CTIF: variants seen among roughly 807,000 people sequenced by gnomAD.
CTIF encodes CBP80/20-dependent translation initiation factor.
CTIF carries 21 observed loss-of-function variants against 66.0 expected under a neutral mutation model. That is an observed-to-expected ratio of 0.32 (90% CI 0.23 to 0.46). The LOEUF (loss-of-function observed/expected upper bound fraction) is 0.46, where lower values mean the gene tolerates loss of function less well. Ranked by LOEUF, CTIF falls within the 20% of genes least tolerant of loss-of-function variation. The pLI is 1.00. For missense variants in CTIF, 739 were observed against 812.7 expected (o/e 0.91, Z 1.10); for synonymous variants, 345 against 326.4 (o/e 1.06, Z -0.62).
chr18:48,838,580 G>A (rs1484277667), intron 10 of CTIF, among the ~76,000 whole-genome samples: 1 of 152,222 alleles, frequency 6.6e-6, no homozygotes, highest in Non-Finnish European at 1.5e-5. Flanking sequence ...GGCTGTGGCT[G>A]TGCACACTTG....
chr18:48,652,787 A>G (rs1568106407), intron 3 of CTIF, among the ~76,000 whole-genome samples: 2 of 152,216 alleles, frequency 1.3e-5, no homozygotes, highest in Non-Finnish European at 2.9e-5. Context: ...ACCATGATCA[A>G]GTGGGCTTCA....
At chr18:48,578,705 TA>T (rs1195924401) in intron 1 of CTIF, among the ~76,000 whole-genome samples, 3 of 152,262 alleles carry the variant, frequency 2.0e-5, no homozygotes, top group Non-Finnish European at 4.4e-5. Flanking sequence ...TTTGTCTTTT[TA>T]TTGTTGAATT....
intron 2 of CTIF, among the ~76,000 whole-genome samples, 185 bp from the exon 3 acceptor site, chr18:48,636,429 C>T (rs1333729989): frequency 6.6e-6 from 1 of 152,242 alleles, no homozygotes; most frequent in East Asian, 1.9e-4. Context: ...AAAGCTTCAT[C>T]TTGATGTGGA....
chr18:48,654,280 G>GA (rs879528280), intron 3 of CTIF, among the ~76,000 whole-genome samples: 2 of 151,474 alleles, frequency 1.3e-5, no homozygotes, highest in Non-Finnish European at 2.9e-5. Flanking sequence ...AAATTTACAA[G>GA]AAAAAAAACA....
intron 6 of CTIF, among the ~76,000 whole-genome samples, chr18:48,705,067 G>A (rs10502895): frequency 0.11 from 16,714 of 152,202 alleles, 1,046 homozygotes; most frequent in Middle Eastern, 0.14. Flanking sequence ...GTCTATGCTG[G>A]ACAACTGGTA....
Position 48,626,091 on chromosome 18 carries a change from C to A in CTIF, c.180+6346C>A, listed in dbSNP as rs190533906. Reference sequence around the variant, plus strand: ...ATCTCAGCTCACTGCAACCTCCCCCCACCGCAGGTTCAAGCAACTCTCCTG... The same window carrying A: ...ATCTCAGCTCACTGCAACCTCCCCCAACCGCAGGTTCAAGCAACTCTCCTG... On this transcript the variant is annotated intron_variant, in intron 2 of 11. Coordinates refer to ENST00000256413, the MANE Select transcript of CTIF (RefSeq NM_014772.3). Among the ~76,000 whole-genome samples the A allele has an allele frequency of 3.1e-3, 469 of 150,644 alleles. 6 individuals carry two copies. The highest frequency in any genetic ancestry group is 0.011 in the African/African-American group (445 of 41,000).
intron 1 of CTIF, among the ~76,000 whole-genome samples, chr18:48,571,440 G>A (rs2089414091): frequency 6.6e-6 from 1 of 152,240 alleles, no homozygotes; most frequent in South Asian, 2.1e-4. Flanking sequence ...ACAGGCGTGA[G>A]CCACCACACT....
At chr18:48,617,141 G>A (rs931513937) in intron 1 of CTIF, among the ~76,000 whole-genome samples, 1 of 152,206 alleles carries the variant, frequency 6.6e-6, no homozygotes, top group Non-Finnish European at 1.5e-5. Context: ...TGCAGATGTA[G>A]GATGAGGTGC....
chr18:48,699,924 G>A (rs1353857216), intron 6 of CTIF, among the ~76,000 whole-genome samples: 1 of 152,222 alleles, frequency 6.6e-6, no homozygotes, highest in Non-Finnish European at 1.5e-5. Flanking sequence ...CTGCATTGCT[G>A]CAGTCCCCCA....
intron 3 of CTIF, among the ~76,000 whole-genome samples, chr18:48,639,511 G>T (rs916161711): frequency 3.3e-5 from 5 of 152,142 alleles, no homozygotes; most frequent in Non-Finnish European, 5.9e-5. Context: ...CTGGATGGAT[G>T]GCCAAGGTTC....
intron 7 of CTIF, among the ~76,000 whole-genome samples, chr18:48,750,115 C>G (rs931910992): frequency 9.2e-5 from 14 of 152,362 alleles, no homozygotes; most frequent in Admixed American, 2.0e-4. Context: ...TCCCCACAGG[C>G]TTTCCTGGGC....
chr18:48,720,113 A>G (rs2092318925), intron 7 of CTIF, among the ~76,000 whole-genome samples: 2 of 152,228 alleles, frequency 1.3e-5, no homozygotes, highest in African/African-American at 4.8e-5. Context: ...ACTTTATGGA[A>G]TGCAACTACC....
Position 48,817,317 on chromosome 18 carries a change from A to G in CTIF, c.1468A>G (p.Ser490Gly). The G allele has an allele frequency of 6.2e-7, 1 of 1,614,032 alleles. No homozygotes were observed. Among genetic ancestry groups the G allele is most frequent in the Non-Finnish European group, 8.5e-7 (1 of 1,180,016 alleles). Residue 490 changes from serine (S) to glycine (G), a missense_variant, in exon 10 of 12, where the codon AGC becomes GGC. Transcript: ENST00000256413. ...FLCEVFGTMR[S>G]STGEPFRVLV... ...GTGCGAGGTCTTCGGCACCATGCGC[A>G]GCAGCACAGGCGAGCCCTTCCGTGT... is the stretch of plus-strand genomic sequence containing the variant.
At chr18:48,610,145 G>A (rs916640339) in intron 1 of CTIF, among the ~76,000 whole-genome samples, 7 of 152,230 alleles carry the variant, frequency 4.6e-5, no homozygotes, top group South Asian at 2.1e-4. Context: ...CAAGGATTAC[G>A]CAGTCTTATC....
In CTIF at chr18:48,651,683, G is replaced by A. The variant is rs912570623; in HGVS notation, c.253-12069G>A. 4.6e-4 allele frequency among the ~76,000 whole-genome samples: 70 copies of A among 152,198 alleles called. 1 individual carries two copies. The highest frequency in any genetic ancestry group is 1.6e-3 in the African/African-American group (65 of 41,532). On this transcript the variant is annotated intron_variant, in intron 3 of 11. Coordinates refer to ENST00000256413, the MANE Select transcript of CTIF (RefSeq NM_014772.3). The stretch of plus-strand genomic sequence containing the variant: ...TATACATTCTTCTCAGCACCACATC[G>A]CACTTATTCCAAAATTGACCACTTA...
At chr18:48,588,814 G>T (rs994223329) in intron 1 of CTIF, among the ~76,000 whole-genome samples, 1 of 152,184 alleles carries the variant, frequency 6.6e-6, no homozygotes, top group African/African-American at 2.4e-5. Flanking sequence ...ATCTCAGGAG[G>T]GGCCCAATGC....
intron 10 of CTIF, among the ~76,000 whole-genome samples, chr18:48,854,942 T>C (rs1034592175): frequency 6.6e-6 from 1 of 152,224 alleles, no homozygotes; most frequent in African/African-American, 2.4e-5. Flanking sequence ...TCACAAGTGC[T>C]GCTTTGCATC....
At chr18:48,656,465 T>A (rs2091248688) in intron 3 of CTIF, among the ~76,000 whole-genome samples, 1 of 152,174 alleles carries the variant, frequency 6.6e-6, no homozygotes, top group Admixed American at 6.5e-5. Flanking sequence ...GCATGCTGGG[T>A]CAATATCTCC....
At chr18:48,666,474 C>A (rs1471671385) in intron 5 of CTIF, among the ~76,000 whole-genome samples, 1 of 152,226 alleles carries the variant, frequency 6.6e-6, no homozygotes, top group East Asian at 1.9e-4. Context: ...CACCATCCAA[C>A]CCCTAGTTCA....
Sources: gnomAD v4.1 joint callset for allele counts (sites outside exome capture counted in the v4.1 genomes callset) on GRCh38, gnomAD v4.1.1 for gene constraint, MANE v1.5 for transcripts, NCBI Gene and HGNC (gene_info 2026-07-23, HGNC 2026-07-21) for gene names.